MAPKAP1: variants seen among roughly 807,000 people sequenced by gnomAD.
The protein encoded by MAPKAP1 is target of rapamycin complex 2 subunit MAPKAP1.
In MAPKAP1, 20 loss-of-function variants were observed where a neutral mutation model predicts 65.7. The ratio of observed to expected loss-of-function variants is 0.30; its 90% CI spans 0.21 to 0.44. The LOEUF (loss-of-function observed/expected upper bound fraction) is 0.44. MAPKAP1 is among the 20% of genes least tolerant of loss of function. The pLI, the probability that MAPKAP1 is intolerant of heterozygous loss-of-function variation, is 1.00. For synonymous variants in MAPKAP1, 222 were observed against 244.3 expected (o/e 0.91, Z 0.85); for missense variants, 423 against 648.0 (o/e 0.65, Z 3.77).
chr9:125,480,114 T>C (rs1854253710), intron 9 of MAPKAP1, among the ~76,000 whole-genome samples: 1 of 152,156 alleles, frequency 6.6e-6, no homozygotes, highest in Non-Finnish European at 1.5e-5. Context: ...GGGTTTTTGT[T>C]GTTGTTAGAA....
chr9:125,633,544 A>AC (rs1833345592), intron 4 of MAPKAP1, among the ~76,000 whole-genome samples: 1 of 152,202 alleles, frequency 6.6e-6, no homozygotes, highest in African/African-American at 2.4e-5. Flanking sequence ...TGACGAATCC[A>AC]CCACCAGGAT....
chr9:125,561,572 G>GA (rs954882074), intron 5 of MAPKAP1, among the ~76,000 whole-genome samples: 5 of 152,122 alleles, frequency 3.3e-5, no homozygotes, highest in African/African-American at 1.2e-4. Context: ...AACAATTAGA[G>GA]AGGCAAAAGA....
chr9:125,646,900 C>G (rs890862317), intron 4 of MAPKAP1, among the ~76,000 whole-genome samples: 1 of 152,206 alleles, frequency 6.6e-6, no homozygotes, highest in African/African-American at 2.4e-5. Context: ...TTAATTCAAT[C>G]TGGCCCTAGC....
chr9:125,462,276 T>C (rs956320933), intron 10 of MAPKAP1, among the ~76,000 whole-genome samples: 2 of 152,138 alleles, frequency 1.3e-5, no homozygotes, highest in African/African-American at 4.8e-5. Context: ...CTCTCCTTTG[T>C]TGGGGGTGGG....
At chr9:125,668,390 G>A (rs142551030) in intron 3 of MAPKAP1, among the ~76,000 whole-genome samples, 140 of 152,316 alleles carry the variant, frequency 9.2e-4, no homozygotes, top group African/African-American at 2.9e-3. Context: ...AGTAGAGCAC[G>A]AGGTAGAGGC....
At chr9:125,638,124 G>GA in intron 4 of MAPKAP1, among the ~76,000 whole-genome samples, 1 of 152,300 alleles carries the variant, frequency 6.6e-6, no homozygotes, top group Non-Finnish European at 1.5e-5. Flanking sequence ...ATTAAAATTG[G>GA]AAAGTGTCTG....
intron 9 of MAPKAP1, among the ~76,000 whole-genome samples, chr9:125,479,058 C>T (rs920184977): frequency 1.3e-5 from 2 of 152,200 alleles, no homozygotes; most frequent in African/African-American, 4.8e-5. Context: ...ATTTTTCCTA[C>T]ACCCCAGTTT....
intron 4 of MAPKAP1, among the ~76,000 whole-genome samples, chr9:125,610,385 T>A (rs1218233093): frequency 1.3e-5 from 2 of 152,232 alleles, no homozygotes; most frequent in African/African-American, 2.4e-5. Flanking sequence ...GGTTGGCAAC[T>A]TTTTAAGGCA....
chr9:125,552,512 T>C (rs749400249), intron 6 of MAPKAP1, among the ~76,000 whole-genome samples: 1 of 152,210 alleles, frequency 6.6e-6, no homozygotes, highest in Admixed American at 6.5e-5. Context: ...TTCTTTTATA[T>C]GCAGAAACAG....
chr9:125,442,848 A>G (rs951769480), intron 11 of MAPKAP1, among the ~76,000 whole-genome samples: 2 of 152,196 alleles, frequency 1.3e-5, no homozygotes, highest in African/African-American at 2.4e-5. Context: ...TTTTGCAGCC[A>G]TGGGGAATGT....
At chr9:125,577,829 G>A (rs984399434) in intron 5 of MAPKAP1, among the ~76,000 whole-genome samples, 2 of 148,394 alleles carry the variant, frequency 1.3e-5, no homozygotes, top group African/African-American at 2.5e-5. Context: ...CCCCCGGCCC[G>A]GCCAACCGCC....
At chr9:125,444,350 C>A in intron 11 of MAPKAP1, 151 bp downstream of exon 11, 1 of 606,270 alleles carries the variant, frequency 1.6e-6, no homozygotes, top group Non-Finnish European at 2.9e-6. Context: ...CCCTGGGTGG[C>A]TGGCAAGCTG....
At position 125,595,966 on chromosome 9, in the gene MAPKAP1, A is replaced by G; in HGVS notation, c.499-10239T>C. The G allele has an allele frequency of 2.7e-6, 4 of 1,501,944 alleles. No homozygotes were observed. Among genetic ancestry groups the G allele is most frequent in the Non-Finnish European group, 3.7e-6 (4 of 1,093,462 alleles). The allele number at this position is 1,501,944 out of a possible 1,614,324, so 93.0% of individuals were successfully genotyped here. A position where few individuals can be genotyped will look rare whatever the true frequency, so the allele number is the denominator to read the frequency against. Reference sequence around the variant, plus strand: ...GAAGATTCTCAAAGACCAGGTGCCCACTTAACTGTGAAAAAGATATTTGTT... The same window carrying G: ...GAAGATTCTCAAAGACCAGGTGCCCGCTTAACTGTGAAAAAGATATTTGTT... On this transcript the variant is annotated intron_variant, in intron 4 of 11. Transcript: ENST00000265960. The surrounding 1 kb of genome is among the most constrained non-coding windows in gnomAD (Gnocchi z 4.0).
At chr9:125,502,244 G>A (rs10986779) in intron 8 of MAPKAP1, among the ~76,000 whole-genome samples, 2,967 of 152,082 alleles carry the variant, frequency 0.02, 156 homozygotes, top group East Asian at 0.15. Flanking sequence ...TGGGATTACA[G>A]GCACTTACCA....
At chr9:125,547,243 C>G (rs1204552922) in intron 6 of MAPKAP1, among the ~76,000 whole-genome samples, 2 of 152,082 alleles carry the variant, frequency 1.3e-5, no homozygotes, top group African/African-American at 4.8e-5. Flanking sequence ...GCAATGGGAG[C>G]CACGGAGCCC....
At chr9:125,508,278 T>C (rs1375779406) in intron 7 of MAPKAP1, among the ~76,000 whole-genome samples, 1 of 152,190 alleles carries the variant, frequency 6.6e-6, no homozygotes, top group Non-Finnish European at 1.5e-5. Context: ...AATTAATAGG[T>C]GCATCTGGTA....
intron 10 of MAPKAP1, among the ~76,000 whole-genome samples, chr9:125,465,821 G>A (rs1367507057): frequency 2.0e-5 from 3 of 152,188 alleles, no homozygotes; most frequent in African/African-American, 7.2e-5. Context: ...AACAGAGAGA[G>A]CCTGACACTG....
At chr9:125,669,943 T>C (rs1360683605) in intron 2 of MAPKAP1, 36 bp from the exon 3 acceptor site, 2 of 1,268,042 alleles carry the variant, frequency 1.6e-6, no homozygotes, top group East Asian at 2.5e-5. Context: ...AGTTTGTCAA[T>C]GAAAGTTTAC....
chr9:125,495,452 G>C (rs1264712321), intron 8 of MAPKAP1, among the ~76,000 whole-genome samples: 1 of 152,156 alleles, frequency 6.6e-6, no homozygotes, highest in Non-Finnish European at 1.5e-5. Context: ...CTGCTCTAAT[G>C]TACCAGTGTA....
Sources: allele counts gnomAD v4.1 joint callset (sites outside exome capture counted in the v4.1 genomes callset), GRCh38; gene constraint gnomAD v4.1.1; non-coding constraint Gnocchi (gnomAD v3.1); transcripts MANE v1.5; gene names NCBI Gene and HGNC (gene_info 2026-07-23, HGNC 2026-07-21).